SUN1: variants seen among roughly 807,000 people sequenced by gnomAD.
SUN1 encodes Sad1 and UNC84 domain containing 1.
A neutral mutation model predicts 103.2 loss-of-function variants in SUN1; 61 were observed. The observed-to-expected ratio is 0.59, with a 90% confidence interval of 0.48 to 0.73. SUN1 has a LOEUF of 0.73. SUN1 is among the 30% of genes least tolerant of loss of function. The probability of loss-of-function intolerance (pLI) is 0.00; values close to 1 mark genes in which losing one functional copy is unlikely to be tolerated. For synonymous variants in SUN1, 490 were observed against 425.7 expected (o/e 1.15, Z -1.86); for missense variants, 1,052 against 1,034.6 (o/e 1.02, Z -0.23).
chr7:872,605 C>A, intron 18 of SUN1, 43 bp downstream of exon 18: 4 of 1,489,572 alleles, frequency 2.7e-6, no homozygotes, highest in Non-Finnish European at 3.7e-6. Flanking sequence ...CTGAGTCCCA[C>A]AACTTCTCGT....
intron 5 of SUN1, among the ~76,000 whole-genome samples, chr7:844,203 G>C (rs1396032402): frequency 6.6e-6 from 1 of 152,254 alleles, no homozygotes; most frequent in Non-Finnish European, 1.5e-5. Context: ...TTCCCTGGGG[G>C]GCTGGGATTC....
intron 5 of SUN1, among the ~76,000 whole-genome samples, chr7:845,338 G>A (rs1562642932): frequency 2.0e-5 from 3 of 152,224 alleles, no homozygotes; most frequent in Non-Finnish European, 4.4e-5. Flanking sequence ...GGTCTTGGGT[G>A]TTTTGGGGGA....
chr7:868,164 TGTC>T (rs1453371373), intron 16 of SUN1, among the ~76,000 whole-genome samples: 1 of 152,258 alleles, frequency 6.6e-6, no homozygotes, highest in Non-Finnish European at 1.5e-5. Context: ...GAAATGCGTG[TGTC>T]GTCCTCACAC....
Position 852,966 on chromosome 7 carries a change from A to T in SUN1, c.1053+14A>T. The T allele has an allele frequency of 6.2e-7, 1 of 1,606,696 alleles. No homozygotes were observed. The highest frequency in any genetic ancestry group is 8.5e-7 in the Non-Finnish European group (1 of 1,177,118). On this transcript the variant is annotated intron_variant, in intron 9 of 18. Transcript: ENST00000401592. ...CAGCCTCTGCAGGTAAGAGGGTAGAAAGGCCTCTCAGCTGGCACTGCACAT... is the reference window on the plus strand; with the variant it reads ...CAGCCTCTGCAGGTAAGAGGGTAGATAGGCCTCTCAGCTGGCACTGCACAT...
intron 5 of SUN1, chr7:850,085 G>C (rs1820467286): frequency 1.4e-6 from 2 of 1,476,146 alleles, no homozygotes; most frequent in Non-Finnish European, 1.8e-6. Flanking sequence ...CATGCTATTT[G>C]TGTCTTGTGT....
intron 1 of SUN1, among the ~76,000 whole-genome samples, chr7:819,100 T>C (rs2128123725): frequency 6.6e-6 from 1 of 152,024 alleles, no homozygotes; most frequent in Admixed American, 6.6e-5. Flanking sequence ...CGACCTCAGG[T>C]GATCTGCCCG....
At chr7:864,581 G>C (rs559545702) in intron 15 of SUN1, among the ~76,000 whole-genome samples, 24 of 144,736 alleles carry the variant, frequency 1.7e-4, no homozygotes, top group African/African-American at 5.8e-4. Flanking sequence ...AAAGCACAAT[G>C]AAGTTCACTA....
Position 861,363 on chromosome 7 carries a change from CCCT to C in SUN1, c.1780-15_1780-13del, listed in dbSNP as rs1267315653. The C allele has an allele frequency of 6.2e-7, 1 of 1,614,040 alleles. No homozygotes were observed. The highest frequency in any genetic ancestry group is 1.7e-5 in the Admixed American group (1 of 60,026). On this transcript the variant is annotated splice_polypyrimidine_tract_variant and intron_variant, in intron 14 of 18. Transcript: ENST00000401592. ...CCTGTTCTGGTGTTTGGTCTTCCGT[CCCT>C]CGTGTCTGTCCAGCAAGCACGTGCC...
At chr7:831,384 G>A (rs1009653577), upstream of SUN1, among the ~76,000 whole-genome samples, 10 of 150,730 alleles carry the variant, frequency 6.6e-5, no homozygotes, top group Non-Finnish European at 1.5e-4. Flanking sequence ...CCATTCTCCT[G>A]CCTCAGCCTC....
intron 2 of SUN1, among the ~76,000 whole-genome samples, chr7:841,175 C>T (rs1025924423): frequency 1.6e-4 from 24 of 151,746 alleles, no homozygotes; most frequent in East Asian, 5.8e-4. Context: ...TCAGGTGATC[C>T]GCCTGCCCCA....
At position 838,177 on chromosome 7, in the gene SUN1, C is replaced by G. The variant is rs922268151; in HGVS notation, c.78-621C>G. Among the ~76,000 whole-genome samples, 6 of 152,342 alleles carry G rather than the reference C, an allele frequency of 3.9e-5. No homozygotes were observed. The East Asian group carries it at 9.6e-4, about 24-fold the overall frequency. Reference sequence around the variant, plus strand: ...ACGCAATCCTCCTGCCTAGGCCTCCCTAAGTGCTGGGATTGCAGGCGTGAA... The same window carrying G: ...ACGCAATCCTCCTGCCTAGGCCTCCGTAAGTGCTGGGATTGCAGGCGTGAA... On this transcript the variant is annotated intron_variant, in intron 1 of 18. Transcript: ENST00000401592.
Position 874,119 on chromosome 7 carries a change from T to G in SUN1, c.*788T>G, listed in dbSNP as rs557677370. 2.6e-5 allele frequency: 4 copies of G among 152,256 alleles called. No individual in the cohort carries two copies. The highest frequency in any genetic ancestry group is 7.2e-5 in the African/African-American group (3 of 41,456). 9.4% of individuals were successfully genotyped at this position (152,256 alleles called of 1,614,324 possible). ...CCCAAAAATCTCATCTTGGGTGTTT[T>G]CAGGGCTTGTTTTGAGTTTTGCTGA... On this transcript the variant is annotated 3_prime_UTR_variant, in exon 19 of 19. Coordinates refer to ENST00000401592, the MANE Select transcript of SUN1 (RefSeq NM_001130965.3).
intron 15 of SUN1, among the ~76,000 whole-genome samples, chr7:862,095 G>A (rs752755552): frequency 6.6e-6 from 1 of 152,254 alleles, no homozygotes; most frequent in Non-Finnish European, 1.5e-5. Context: ...AGAACCGTGA[G>A]AGGAGAGCTA....
upstream of SUN1, among the ~76,000 whole-genome samples, chr7:829,340 C>G (rs1310838590): frequency 6.6e-6 from 1 of 152,152 alleles, no homozygotes; most frequent in African/African-American, 2.4e-5. Flanking sequence ...TGTGAAAATG[C>G]TGAGTACTCT....
At chr7:837,631 G>A (rs956524965) in intron 1 of SUN1, among the ~76,000 whole-genome samples, 2 of 152,126 alleles carry the variant, frequency 1.3e-5, no homozygotes, top group Non-Finnish European at 2.9e-5. Flanking sequence ...GGAGACCTCC[G>A]TTTGAAATTT....
chr7:838,869 G>A lies in SUN1; in HGVS notation c.149G>A (p.Arg50Gln), dbSNP rs775225289. The change falls in exon 2 of 19, where the codon CGG (arginine) becomes CAG (glutamine). Residue 50 changes from arginine to glutamine, a missense_variant. Physicochemically the swap from Arg to Gln is conservative, Grantham distance 43. Transcript: ENST00000401592. The stretch of plus-strand genomic sequence containing the variant: ...TTGGACCCTGTATTTGATTCTCCAC[G>A]GATGTCCCGCCGTAGTTTGCGCCTG... The part of the protein sequence containing the change: ...HKLDPVFDSP[R>Q]MSRRSLRLAT... 5.0e-6 allele frequency: 8 copies of A among 1,599,250 alleles called. No homozygotes were observed. The highest frequency in any genetic ancestry group is 2.3e-5 in the South Asian group (2 of 88,060).
chr7:844,008 A>G, intron 5 of SUN1: 1 of 503,676 alleles, frequency 2.0e-6, no homozygotes, highest in Non-Finnish European at 2.6e-6. Flanking sequence ...TCTGGGAAGG[A>G]CACACGTGAC....
At chr7:822,716 T>C (rs971624142) in intron 1 of SUN1, among the ~76,000 whole-genome samples, 13 of 152,234 alleles carry the variant, frequency 8.5e-5, no homozygotes, top group Non-Finnish European at 1.6e-4. Context: ...TGGATGTGTA[T>C]TCCAGAACAT....
intron 1 of SUN1, among the ~76,000 whole-genome samples, chr7:818,056 G>A (rs1366242993): frequency 6.6e-6 from 1 of 151,840 alleles, no homozygotes; most frequent in African/African-American, 2.4e-5. Context: ...CATAAATGGA[G>A]TATCCTCTCA....
Sources: allele counts gnomAD v4.1 joint callset (sites outside exome capture counted in the v4.1 genomes callset), GRCh38; gene constraint gnomAD v4.1.1; transcripts MANE v1.5; gene names NCBI Gene and HGNC (gene_info 2026-07-23, HGNC 2026-07-21).